Variants in ADD3 observed in about 807,000 individuals in gnomAD.
ADD3 encodes the protein adducin 3, also known as gamma-adducin.
ADD3 carries 25 observed loss-of-function variants against 80.2 expected under a neutral mutation model. The ratio of observed to expected loss-of-function variants is 0.31; its 90% CI spans 0.23 to 0.44. ADD3 has a LOEUF of 0.44. Among genes scored for constraint, ADD3 ranks in the 20% least tolerant of loss-of-function variants. The probability of loss-of-function intolerance (pLI) is 1.00; values close to 1 mark genes in which losing one functional copy is unlikely to be tolerated. For missense variants in ADD3, 829 were observed against 847.5 expected (o/e 0.98, Z 0.27); for synonymous variants, 284 against 289.6 (o/e 0.98, Z 0.20).
rs779171077 is a variant in ADD3 at position 110,130,402 on chromosome 10, C to T, written c.1648C>T (p.Pro550Ser). ...AGATGATGATCATGGCCCACCAGCTCCTCCTAACCCATTTAGTCATCTCAC... is the reference window on the plus strand; with the variant it reads ...AGATGATGATCATGGCCCACCAGCTTCTCCTAACCCATTTAGTCATCTCAC... ...FEDDDHGPPA[P>S]PNPFSHLTEG... is the part of the protein sequence containing the mutation. Residue 550 changes from proline (P) to serine (S), a missense_variant, in exon 13 of 15, where the codon CCT (proline) becomes TCT (serine). Physicochemically the swap from Pro to Ser is moderately conservative, Grantham distance 74. Coordinates refer to ENST00000356080, the MANE Select transcript of ADD3 (RefSeq NM_016824.5). 6.2e-7 allele frequency: 1 copy of T among 1,614,030 alleles called. No homozygotes were observed. The highest frequency in any genetic ancestry group is 1.3e-5 in the African/African-American group (1 of 75,004).
chr10:110,122,432 C>T lies in ADD3; in HGVS notation c.1143+140C>T. On this transcript the variant is annotated intron_variant, in intron 9 of 14. Transcript: ENST00000356080. ...GGAAAGCATTTCATTGTTATTTAAC[C>T]ACACCTTTGAGAATTAAACAGAACT... 4.3e-6 allele frequency: 3 copies of T among 697,928 alleles called. No homozygotes were observed. The South Asian group carries it at 6.4e-5, about 15-fold the overall frequency. 43.2% of individuals were successfully genotyped at this position (697,928 alleles called of 1,614,324 possible). A position where few individuals can be genotyped will look rare whatever the true frequency, so the allele number is the denominator to read the frequency against.
At chr10:110,073,930 T>TC (rs1395256013) in intron 1 of ADD3, among the ~76,000 whole-genome samples, 1 of 151,790 alleles carries the variant, frequency 6.6e-6, no homozygotes, top group Non-Finnish European at 1.5e-5. Context: ...TTTTTTTTTT[T>TC]CCTTAGCCAG....
chr10:110,092,646 C>A (rs1387069848), intron 1 of ADD3, among the ~76,000 whole-genome samples: 2 of 152,152 alleles, frequency 1.3e-5, no homozygotes, highest in African/African-American at 4.8e-5. Context: ...CTTATGAAAT[C>A]ATTTGTACTC....
At chr10:110,110,275 C>G (rs1849845407) in intron 2 of ADD3, among the ~76,000 whole-genome samples, 1 of 152,154 alleles carries the variant, frequency 6.6e-6, no homozygotes. Flanking sequence ...AATCAGTGGC[C>G]TCCATATCCA....
chr10:110,006,904 GT>G (rs1309098695), upstream of ADD3, among the ~76,000 whole-genome samples: 1 of 152,114 alleles, frequency 6.6e-6, no homozygotes, highest in East Asian at 1.9e-4. Flanking sequence ...TTAGGGTGGG[GT>G]TGGCCCAAGG....
intron 13 of ADD3, among the ~76,000 whole-genome samples, chr10:110,132,016 G>A (rs1275500420): frequency 1.3e-5 from 2 of 152,156 alleles, no homozygotes; most frequent in African/African-American, 4.8e-5. Context: ...GTTTTCTAAT[G>A]CTAGCAAGAG....
intron 1 of ADD3, among the ~76,000 whole-genome samples, chr10:110,013,177 A>G (rs187533546): frequency 8.6e-4 from 131 of 152,262 alleles, no homozygotes; most frequent in African/African-American, 3.0e-3. Flanking sequence ...ACCTCGGCAC[A>G]CTGCAACCTC....
chr10:110,040,914 C>T (rs1051898888), intron 1 of ADD3, among the ~76,000 whole-genome samples: 4 of 149,810 alleles, frequency 2.7e-5, no homozygotes, highest in African/African-American at 7.4e-5. Context: ...TGCACGCACG[C>T]GCTCTCTCTC....
At chr10:110,047,481 C>T (rs956075172) in intron 1 of ADD3, among the ~76,000 whole-genome samples, 4 of 152,122 alleles carry the variant, frequency 2.6e-5, no homozygotes, top group African/African-American at 7.2e-5. Context: ...ATATATATAT[C>T]GGGTCCCATT....
At chr10:110,025,760 A>T (rs960353901) in intron 1 of ADD3, among the ~76,000 whole-genome samples, 4 of 152,136 alleles carry the variant, frequency 2.6e-5, no homozygotes, top group Non-Finnish European at 4.4e-5. Flanking sequence ...TCACTTCATT[A>T]CATTACGAGC....
rs1851598214 is a variant in ADD3, at chr10:110,122,235, A to G, written c.1086A>G (p.Gln362=). Residue 362 remains glutamine (Q), a synonymous_variant, in exon 9 of 15, where the codon CAA becomes CAG. Transcript: ENST00000356080. The stretch of plus-strand genomic sequence containing the variant: ...GAGGTGTGAATATGGGTTCCCATCA[A>G]AAATGGAAGGTTGGCGAAATTGAGT... ...GGGGVNMGSH[Q]KWKVGEIEFE... 6.2e-7 allele frequency: 1 copy of G among 1,614,142 alleles called. No individual in the cohort carries two copies. Among genetic ancestry groups the G allele is most frequent in the Non-Finnish European group, 8.5e-7 (1 of 1,179,984 alleles).
At chr10:110,096,597 G>GA (rs1564970411) in intron 1 of ADD3, among the ~76,000 whole-genome samples, 1 of 152,108 alleles carries the variant, frequency 6.6e-6, no homozygotes, top group Non-Finnish European at 1.5e-5. Context: ...TAGCTGGGGG[G>GA]GGTCTGCTGG....
upstream of ADD3, among the ~76,000 whole-genome samples, chr10:110,006,340 T>C (rs1023569142): frequency 6.6e-6 from 1 of 152,214 alleles, no homozygotes; most frequent in Non-Finnish European, 1.5e-5. Context: ...GCCCTTAGGA[T>C]ACTTTTTTTG....
chr10:110,122,097 C>A lies in ADD3; in HGVS notation c.961-13C>A, dbSNP rs200507578. On this transcript the variant is annotated splice_polypyrimidine_tract_variant and intron_variant, in intron 8 of 14. Transcript: ENST00000356080. ...TAGTTTTGTGTCTCTGTATATTTTACCATTGATTACAGGTGCAGGCCCTAG... is the reference window on the plus strand; with the variant it reads ...TAGTTTTGTGTCTCTGTATATTTTAACATTGATTACAGGTGCAGGCCCTAG... The A allele has an allele frequency of 8.8e-6, 14 of 1,594,980 alleles. No homozygotes were observed. The highest frequency in any genetic ancestry group is 5.4e-5 in the African/African-American group (4 of 74,122).
At chr10:110,043,873 G>A (rs1856633145) in intron 1 of ADD3, among the ~76,000 whole-genome samples, 1 of 152,138 alleles carries the variant, frequency 6.6e-6, no homozygotes, top group Non-Finnish European at 1.5e-5. Context: ...CTATTTTTGG[G>A]TTGAGAGGAG....
chr10:110,021,534 A>G (rs1385984676), intron 1 of ADD3, among the ~76,000 whole-genome samples: 2 of 152,256 alleles, frequency 1.3e-5, no homozygotes, highest in African/African-American at 4.8e-5. Flanking sequence ...GCAGTCATAA[A>G]AAGGAATGAA....
chr10:110,113,681 A>T (rs1206892781), intron 3 of ADD3, among the ~76,000 whole-genome samples: 1 of 152,224 alleles, frequency 6.6e-6, no homozygotes, highest in East Asian at 1.9e-4. Context: ...ATGGGAAGCC[A>T]TTTTAAGCAG....
intron 1 of ADD3, among the ~76,000 whole-genome samples, chr10:110,077,418 T>G (rs1276794620): frequency 2.0e-5 from 3 of 152,218 alleles, no homozygotes; most frequent in Non-Finnish European, 4.4e-5. Context: ...GTTATTTAAC[T>G]TGAAAATGCT....
intron 1 of ADD3, among the ~76,000 whole-genome samples, chr10:110,060,380 G>A (rs1858734186): frequency 6.6e-6 from 1 of 152,122 alleles, no homozygotes; most frequent in Non-Finnish European, 1.5e-5. Flanking sequence ...TGTGTGTGCT[G>A]CAAAAACTAA....
Sources: gnomAD v4.1 joint callset for allele counts (sites outside exome capture counted in the v4.1 genomes callset) on GRCh38, gnomAD v4.1.1 for gene constraint, MANE v1.5 for transcripts, NCBI Gene and HGNC (gene_info 2026-07-23, HGNC 2026-07-21) for gene names.